The following AGFG1 variants were observed in gnomAD, a reference collection of about 807,000 sequenced individuals.
AGFG1 encodes the protein ArfGAP with FG repeats 1.
AGFG1 carries 10 observed loss-of-function variants against 60.6 expected under a neutral mutation model. The observed-to-expected ratio is 0.16, with a 90% CI of 0.10 to 0.28. The LOEUF is 0.28. AGFG1 is among the 10% of genes least tolerant of loss of function. The pLI, the probability that AGFG1 is intolerant of heterozygous loss-of-function variation, is 1.00. For missense variants in AGFG1, 537 were observed against 676.5 expected (o/e 0.79, Z 2.29); for synonymous variants, 247 against 242.9 (o/e 1.02, Z -0.16).
chr2:227,497,333 T>C (rs1323916117), intron 2 of AGFG1, among the ~76,000 whole-genome samples: 3 of 152,224 alleles, frequency 2.0e-5, no homozygotes, highest in Non-Finnish European at 2.9e-5. Flanking sequence ...GACTTCTTAA[T>C]GTAATGACGT....
chr2:227,513,610 G>T (rs1363226996), intron 2 of AGFG1, among the ~76,000 whole-genome samples: 2 of 152,150 alleles, frequency 1.3e-5, no homozygotes, highest in Non-Finnish European at 2.9e-5. Context: ...ACTCTCACTT[G>T]TGATTTCCTT....
intron 2 of AGFG1, chr2:227,508,606 A>G (rs1431103513): frequency 2.1e-6 from 1 of 470,562 alleles, no homozygotes; most frequent in Admixed American, 2.4e-5. Context: ...CAGATTCATA[A>G]TATCTTTGGG....
intron 3 of AGFG1, among the ~76,000 whole-genome samples, chr2:227,523,023 A>G (rs982889389): frequency 1.3e-5 from 2 of 152,196 alleles, no homozygotes; most frequent in African/African-American, 2.4e-5. Flanking sequence ...TTTTTGTGAA[A>G]TTATAAAGAG....
chr2:227,486,432 A>G (rs1690640654), intron 1 of AGFG1, among the ~76,000 whole-genome samples: 1 of 152,170 alleles, frequency 6.6e-6, no homozygotes, highest in South Asian at 2.1e-4. Flanking sequence ...GTAAAGTGCC[A>G]GTCTAGATAC....
intron 8 of AGFG1, 108 bp from the exon 9 acceptor site, chr2:227,536,517 C>T: frequency 1.2e-6 from 1 of 804,712 alleles, no homozygotes; most frequent in Non-Finnish European, 2.1e-6. Flanking sequence ...TGTGTTGATA[C>T]TGATGCTGTG....
chr2:227,490,350 A>AGGT (rs1690771900), intron 1 of AGFG1, among the ~76,000 whole-genome samples: 1 of 152,122 alleles, frequency 6.6e-6, no homozygotes, highest in Non-Finnish European at 1.5e-5. Flanking sequence ...AGGCCGAGGC[A>AGGT]GGTGGATCAC....
Position 227,556,819 on chromosome 2 carries a change from C to T in AGFG1, c.*2324C>T, listed in dbSNP as rs567671439. ...ATGGTGGTGTGAGAGCCTGTGAGTC[C>T]TAGCTACCTGGAGGTGAGGTGGGAA... On this transcript the variant is annotated 3_prime_UTR_variant, in exon 13 of 13. Transcript: ENST00000310078. The T allele has an allele frequency of 6.6e-6, 1 of 152,202 alleles. No homozygotes were observed. The highest frequency in any genetic ancestry group is 1.5e-5 in the Non-Finnish European group (1 of 68,040). 9.4% of individuals were successfully genotyped at this position (152,202 alleles called of 1,614,324 possible).
intron 1 of AGFG1, among the ~76,000 whole-genome samples, chr2:227,481,910 G>A (rs1481532754): frequency 7.0e-6 from 1 of 143,284 alleles, no homozygotes; most frequent in Non-Finnish European, 1.5e-5. Flanking sequence ...CTGTTGCCCA[G>A]GTTGGAGTGC....
intron 10 of AGFG1, among the ~76,000 whole-genome samples, chr2:227,539,631 G>A (rs2106228720): frequency 6.6e-6 from 1 of 150,962 alleles, no homozygotes; most frequent in East Asian, 2.0e-4. Flanking sequence ...GTCCTTCCTA[G>A]CTACTCAGGA....
chr2:227,547,255 A>G (rs1341838238), intron 10 of AGFG1, among the ~76,000 whole-genome samples: 1 of 152,234 alleles, frequency 6.6e-6, no homozygotes, highest in African/African-American at 2.4e-5. Flanking sequence ...AGCAAAAGCA[A>G]AGAAAAAACC....
intron 2 of AGFG1, among the ~76,000 whole-genome samples, chr2:227,515,922 T>G (rs1363887326): frequency 6.6e-6 from 1 of 152,072 alleles, no homozygotes; most frequent in African/African-American, 2.4e-5. Flanking sequence ...AAACTGTGAG[T>G]AGGTCATAAG....
intron 10 of AGFG1, among the ~76,000 whole-genome samples, chr2:227,541,918 T>C (rs1692503068): frequency 6.6e-6 from 1 of 152,234 alleles, no homozygotes; most frequent in Admixed American, 6.5e-5. Flanking sequence ...TCACATCCCT[T>C]GTAAGTTAGA....
At chr2:227,479,172 A>G (rs1162729091) in intron 1 of AGFG1, among the ~76,000 whole-genome samples, 2 of 152,220 alleles carry the variant, frequency 1.3e-5, no homozygotes, top group Non-Finnish European at 2.9e-5. Flanking sequence ...AAATTGGATA[A>G]GAAGGACTCT....
At chr2:227,501,711 G>A (rs1691162562) in intron 2 of AGFG1, among the ~76,000 whole-genome samples, 1 of 152,014 alleles carries the variant, frequency 6.6e-6, no homozygotes, top group African/African-American at 2.4e-5. Flanking sequence ...AGCCTCCTGA[G>A]CAGCTGGGAC....
intron 10 of AGFG1, 125 bp downstream of exon 10, chr2:227,537,118 G>C: frequency 1.4e-6 from 1 of 724,088 alleles, no homozygotes; most frequent in Non-Finnish European, 2.3e-6. Flanking sequence ...GGATAGAAGA[G>C]TTTGTCCATA....
chr2:227,508,225 A>G (rs1691384554), intron 2 of AGFG1: 2 of 154,456 alleles, frequency 1.3e-5, no homozygotes, highest in Admixed American at 1.3e-4. Context: ...TTCAGTCACC[A>G]GGACAACAAG....
At position 227,491,674 on chromosome 2, in the gene AGFG1, A is replaced by C. The variant is rs752963942; in HGVS notation, c.261+34A>C. The C allele has an allele frequency of 3.6e-6, 5 of 1,371,746 alleles. No homozygotes were observed. In the East Asian group the frequency reaches 1.2e-4, roughly 34 times the overall value. The allele number at this position is 1,371,746 out of a possible 1,614,324, so 85.0% of individuals were successfully genotyped here. A position where few individuals can be genotyped will look rare whatever the true frequency, so the allele number is the denominator to read the frequency against. On this transcript the variant is annotated intron_variant, in intron 2 of 12. Transcript: ENST00000310078. ...TTTTTTTTTTTTTTTGCAATTTTTG[A>C]CTTTTTTGTTGGCAGTCATTTTAAT...
intron 1 of AGFG1, among the ~76,000 whole-genome samples, chr2:227,478,524 G>A (rs1181566871): frequency 6.6e-6 from 1 of 151,964 alleles, no homozygotes; most frequent in African/African-American, 2.4e-5. Flanking sequence ...TTGTAGAGAT[G>A]GGGTTTCGCC....
intron 1 of AGFG1, among the ~76,000 whole-genome samples, chr2:227,476,988 G>C (rs968736398): frequency 6.2e-4 from 92 of 148,764 alleles, no homozygotes; most frequent in South Asian, 1.1e-3. Context: ...TGCAACCTCT[G>C]TCTCCCGGGT....
Sources: gnomAD v4.1 joint callset for allele counts (sites outside exome capture counted in the v4.1 genomes callset) on GRCh38, gnomAD v4.1.1 for gene constraint, MANE v1.5 for transcripts, NCBI Gene and HGNC (gene_info 2026-07-23, HGNC 2026-07-21) for gene names.